YY1AP1: variants seen among roughly 807,000 people sequenced by gnomAD.
YY1AP1 encodes the protein YY1 associated protein 1.
YY1AP1 carries 43 observed loss-of-function variants against 39.9 expected under a neutral mutation model. The observed-to-expected ratio is 1.08, with a 90% CI of 0.84 to 1.39. The LOEUF (loss-of-function observed/expected upper bound fraction) is 1.39, where lower values mean the gene tolerates loss of function less well. Ranked by LOEUF, YY1AP1 falls within the 40% of genes most tolerant of loss-of-function variation. YY1AP1 has a pLI of 0.00. For missense variants in YY1AP1, 813 were observed against 900.7 expected, an observed-to-expected ratio of 0.90 and a Z score of 1.25; for synonymous variants, 292 against 331.3, an observed-to-expected ratio of 0.88 and a Z score of 1.29.
chr1:155,685,928 C>A (rs953187799), intron 2 of YY1AP1, among the ~76,000 whole-genome samples: 6 of 151,988 alleles, frequency 3.9e-5, no homozygotes, highest in Non-Finnish European at 8.8e-5. Flanking sequence ...AGAAACATCC[C>A]ATTTTCCAGA....
At chr1:155,688,892 A>T (rs1025524201), upstream of YY1AP1, 3 of 1,612,124 alleles carry the variant, frequency 1.9e-6, no homozygotes, top group Non-Finnish European at 1.7e-6. Flanking sequence ...TTTGACTGGA[A>T]TTGCCAGGGT....
chr1:155,683,161 C>T (rs975345933), intron 2 of YY1AP1, among the ~76,000 whole-genome samples: 1 of 152,030 alleles, frequency 6.6e-6, no homozygotes, highest in Non-Finnish European at 1.5e-5. Flanking sequence ...CTTCAGGAAT[C>T]CTATACCAGT....
In YY1AP1 at chr1:155,688,665, C is replaced by T; in HGVS notation, c.-158G>A. ...CGCAGGCCCTCACGCGTACCTTCAG[C>T]GGCGCGAGCCCAAGCCTTCTCCACC... is the stretch of plus-strand genomic sequence containing the variant. On this transcript the variant is annotated 5_prime_UTR_variant, in exon 1 of 11. Coordinates refer to ENST00000355499, the MANE Select transcript of YY1AP1 (RefSeq NM_139119.3). 1.3e-6 allele frequency: 2 copies of T among 1,532,974 alleles called. No individual in the cohort carries two copies. Among genetic ancestry groups the T allele is most frequent in the Non-Finnish European group, 1.7e-6 (2 of 1,146,100 alleles). 95.0% of individuals were successfully genotyped at this position (1,532,974 alleles called of 1,614,324 possible).
At chr1:155,688,907 G>C (rs543380974), upstream of YY1AP1, 37 of 1,612,930 alleles carry the variant, frequency 2.3e-5, no homozygotes, top group Admixed American at 1.2e-4. Flanking sequence ...CAGGGTGGCC[G>C]GCCGAGTCCC....
chr1:155,683,951 A>C (rs576577207), intron 2 of YY1AP1, among the ~76,000 whole-genome samples: 85 of 152,258 alleles, frequency 5.6e-4, no homozygotes, highest in Admixed American at 4.1e-3. Flanking sequence ...AGATTGATCT[A>C]CATAGCAAGA....
rs764512151 is a variant in YY1AP1, at chr1:155,675,034, C to T, written c.387G>A (p.Glu129=). The T allele has an allele frequency of 6.2e-7, 1 of 1,613,642 alleles. No homozygotes were observed. The highest frequency in any genetic ancestry group is 2.2e-5 in the East Asian group (1 of 44,864). Residue 129 remains glutamate, a synonymous_variant, in exon 6 of 11, where the codon GAG becomes GAA. Transcript: ENST00000355499. ...LATCNPNLNP[E]ASSTRICLKE... ...CAAGACATATCCTGGTGCTACTGGC[C>T]TCCGGATTGAGATTGGGGTTGCAGG...
At chr1:155,672,498 A>C in intron 7 of YY1AP1, 62 bp downstream of exon 7, 6 of 1,604,672 alleles carry the variant, frequency 3.7e-6, no homozygotes, top group Non-Finnish European at 5.1e-6. Context: ...TATCTATGGG[A>C]TAAGATTCCC....
chr1:155,660,652 T>G lies in YY1AP1; in HGVS notation c.1258A>C (p.Ser420Arg), dbSNP rs767438308. The change falls in exon 11 of 11, where the codon AGC (serine) becomes CGC (arginine). Residue 420 changes from serine (S) to arginine (R), a missense_variant. Around this residue, in one of 3 missense-constraint regions of YY1AP1, gnomAD observed 586 missense variants for 647.4 expected, o/e 0.91. Coordinates refer to ENST00000355499, the MANE Select transcript of YY1AP1 (RefSeq NM_139119.3). ...TTGAAGCTGGGCTGGAGAGAGGGGC[T>G]GGGTTGGATAAGGAGGGGTTTCAGG... is the stretch of plus-strand genomic sequence containing the variant. The part of the protein sequence containing the change: ...SVLKPLLIQP[S>R]PSLQPSFNPG... 3 of 1,614,048 alleles carry G rather than the reference T, an allele frequency of 1.9e-6. No individual in the cohort carries two copies. In the African/African-American group the frequency reaches 4.0e-5, roughly 22 times the overall value.
chr1:155,662,105 A>G (rs970167662), intron 9 of YY1AP1, among the ~76,000 whole-genome samples: 1 of 152,148 alleles, frequency 6.6e-6, no homozygotes, highest in Admixed American at 6.5e-5. Flanking sequence ...ATCGTAATCT[A>G]TAAAATGGAC....
intron 4 of YY1AP1, 146 bp downstream of exon 4, chr1:155,679,263 C>T: frequency 1.3e-6 from 2 of 1,539,882 alleles, no homozygotes; most frequent in South Asian, 1.2e-5. Flanking sequence ...CTTCACTTGA[C>T]ACCTAACTCC....
chr1:155,668,411 A>G (rs1053335997), intron 9 of YY1AP1, among the ~76,000 whole-genome samples: 8 of 152,204 alleles, frequency 5.3e-5, no homozygotes, highest in South Asian at 2.1e-4. Flanking sequence ...GGAAACATGG[A>G]TTTGTGGAAT....
chr1:155,688,189 G>C lies in YY1AP1; in HGVS notation c.-139C>G. On this transcript the variant is annotated 5_prime_UTR_variant, in exon 2 of 11. Coordinates refer to ENST00000355499, the MANE Select transcript of YY1AP1 (RefSeq NM_139119.3). ...CCTCCCGCTTGTCAGGAGGCGGCCA[G>C]CGGGTAAGCCGACTGGCGGAAATGC... 1 of 1,614,060 alleles carries C rather than the reference G, an allele frequency of 6.2e-7. No individual in the cohort carries two copies. Among genetic ancestry groups the C allele is most frequent in the Non-Finnish European group, 8.5e-7 (1 of 1,179,988 alleles).
At position 155,688,684 on chromosome 1, in the gene YY1AP1, C is replaced by G; in HGVS notation, c.-177G>C. The stretch of plus-strand genomic sequence containing the variant: ...CTTCAGCGGCGCGAGCCCAAGCCTT[C>G]TCCACCTCCTCTTCTCTCCTCCCCC... On this transcript the variant is annotated 5_prime_UTR_variant, in exon 1 of 11. Transcript: ENST00000355499. The G allele has an allele frequency of 6.5e-7, 1 of 1,529,606 alleles. No homozygotes were observed. Among genetic ancestry groups the G allele is most frequent in the Non-Finnish European group, 8.7e-7 (1 of 1,145,134 alleles). 94.8% of individuals were successfully genotyped at this position (1,529,606 alleles called of 1,614,324 possible). A position where few individuals can be genotyped will look rare whatever the true frequency, so the allele number is the denominator to read the frequency against.
In YY1AP1 at chr1:155,676,647, C is replaced by T. The variant is rs375078184; in HGVS notation, c.225G>A (p.Gln75=). Residue 75 remains glutamine, a synonymous_variant, in exon 5 of 11, where the codon CAG becomes CAA. Coordinates refer to ENST00000355499, the MANE Select transcript of YY1AP1 (RefSeq NM_139119.3). ...LKMKKPSAKQ[Q]KEVEKVKPQC... ...GGGGTTTAACCTTCTCTACCTCCTTCTGCTGTTTGGCTGAAGGTTTCTTCA... is the reference window on the plus strand; with the variant it reads ...GGGGTTTAACCTTCTCTACCTCCTTTTGCTGTTTGGCTGAAGGTTTCTTCA... 2 of 1,614,192 alleles carry T rather than the reference C, an allele frequency of 1.2e-6. No homozygotes were observed.
chr1:155,677,890 G>A (rs1650945237), intron 4 of YY1AP1, among the ~76,000 whole-genome samples: 1 of 152,160 alleles, frequency 6.6e-6, no homozygotes. Context: ...TTTTTGTTTT[G>A]ACTGTCTTTT....
rs112947022 is a variant in YY1AP1 at position 155,675,366 on chromosome 1, C to T, written c.325-270G>A. On this transcript the variant is annotated intron_variant, in intron 5 of 10. Coordinates refer to ENST00000355499, the MANE Select transcript of YY1AP1 (RefSeq NM_139119.3). Reference sequence around the variant, plus strand: ...ATTTTTAGACAGAGTCTCGCACTGACTTTTGGGCTGGAGTGCAATGGCGTG... The same window carrying T: ...ATTTTTAGACAGAGTCTCGCACTGATTTTTGGGCTGGAGTGCAATGGCGTG... Among the ~76,000 whole-genome samples the T allele has an allele frequency of 6.6e-5, 10 of 152,032 alleles. 1 individual carries two copies. The highest frequency in any genetic ancestry group is 2.4e-4 in the African/African-American group (10 of 41,486).
chr1:155,660,636 G>C lies in YY1AP1; in HGVS notation c.1274C>G (p.Pro425Arg), dbSNP rs773066530. The change falls in exon 11 of 11, where the codon CCC becomes CGC. Residue 425 changes from proline to arginine, a missense_variant. By Grantham distance (103) the Pro-to-Arg change is moderately radical. Around this residue, in one of 3 missense-constraint regions of YY1AP1, gnomAD observed 586 missense variants for 647.4 expected, o/e 0.91. Transcript: ENST00000355499. ...TGGTGTTTTCCCAGGGTTGAAGCTG[G>C]GCTGGAGAGAGGGGCTGGGTTGGAT... Reference protein sequence around the residue: ...LLIQPSPSLQPSFNPGKTPAQ... With the variant: ...LLIQPSPSLQRSFNPGKTPAQ... 1 of 1,614,198 alleles carries C rather than the reference G, an allele frequency of 6.2e-7. No homozygotes were observed. The highest frequency in any genetic ancestry group is 1.7e-5 in the Admixed American group (1 of 60,022).
intron 2 of YY1AP1, among the ~76,000 whole-genome samples, chr1:155,680,879 T>C (rs939396928): frequency 1.3e-5 from 2 of 151,176 alleles, no homozygotes; most frequent in Non-Finnish European, 3.0e-5. Flanking sequence ...CCTTCATTCA[T>C]TTATTCAAAA....
chr1:155,678,079 C>CA (rs1650985334), intron 4 of YY1AP1, among the ~76,000 whole-genome samples: 1 of 152,224 alleles, frequency 6.6e-6, no homozygotes, highest in Non-Finnish European at 1.5e-5. Context: ...TAACGAACCA[C>CA]ATAGTCAGAG....
Sources: gnomAD v4.1 joint callset for allele counts (sites outside exome capture counted in the v4.1 genomes callset) on GRCh38, gnomAD v4.1.1 for gene constraint, gnomAD v4.1.1 regional missense constraint, MANE v1.5 for transcripts, NCBI Gene and HGNC (gene_info 2026-07-23, HGNC 2026-07-21) for gene names.